CLUH: variants seen among roughly 807,000 people sequenced by gnomAD.
CLUH encodes clustered mitochondria protein homolog.
CLUH carries 77 observed loss-of-function variants against 139.3 expected under a neutral mutation model. The observed-to-expected ratio is 0.55, with a 90% CI of 0.46 to 0.67. The LOEUF is 0.67. Ranked by LOEUF, CLUH falls within the 30% of genes least tolerant of loss-of-function variation. CLUH has a pLI of 0.00. For synonymous variants in CLUH, 999 were observed against 801.6 expected (o/e 1.25, Z -4.16); for missense variants, 1,876 against 1,875.8 (o/e 1.00, Z 0.00).
Position 2,692,741 on chromosome 17 carries a change from C to G in CLUH, c.3312+39G>C, listed in dbSNP as rs781554468. On this transcript the variant is annotated intron_variant, in intron 20 of 25. Coordinates refer to ENST00000651024, the MANE Select transcript of CLUH (RefSeq NM_001366661.1). ...AGGTCAGGGTGGCCGCGGACCCAGCCCCTCGCATCCCCCGGCGCGGGCGGC... is the reference window on the plus strand; with the variant it reads ...AGGTCAGGGTGGCCGCGGACCCAGCGCCTCGCATCCCCCGGCGCGGGCGGC... 1.9e-6 allele frequency: 3 copies of G among 1,600,380 alleles called. No homozygotes were observed. In the Admixed American group the frequency reaches 5.0e-5, roughly 27 times the overall value.
Position 2,691,977 on chromosome 17 carries a change from CG to C in CLUH, c.3654+26del, listed in dbSNP as rs770135835. On this transcript the variant is annotated intron_variant, in intron 23 of 25. Coordinates refer to ENST00000651024, the MANE Select transcript of CLUH (RefSeq NM_001366661.1). ...CCCCGCCACGCCCCCGCCCCGCCCC[CG>C]CCCCCGCCACGCCCCCGCCGCGCAC... 1.5e-5 allele frequency: 7 copies of C among 458,892 alleles called. 1 individual carries two copies. Among genetic ancestry groups the C allele is most frequent in the South Asian group, 1.6e-4 (2 of 12,632 alleles). 28.4% of individuals were successfully genotyped at this position (458,892 alleles called of 1,614,324 possible).
At position 2,703,590 on chromosome 17, in the gene CLUH, C is replaced by A; in HGVS notation, c.304-101G>T. 1.7e-6 allele frequency: 2 copies of A among 1,188,218 alleles called. No homozygotes were observed. Among genetic ancestry groups the A allele is most frequent in the South Asian group, 2.8e-5 (2 of 72,000 alleles). 73.6% of individuals were successfully genotyped at this position (1,188,218 alleles called of 1,614,324 possible). ...GAGGCCACGTAGCGGACAGCAAGGACAATATCCCCTTGTCCCCAGCCCAAA... is the reference window on the plus strand; with the variant it reads ...GAGGCCACGTAGCGGACAGCAAGGAAAATATCCCCTTGTCCCCAGCCCAAA... On this transcript the variant is annotated intron_variant, in intron 2 of 25. Transcript: ENST00000651024. The surrounding 1 kb of genome is among the most constrained non-coding windows in gnomAD (Gnocchi z 4.2).
At chr17:2,702,653 C>T (rs2070225852) in intron 3 of CLUH, among the ~76,000 whole-genome samples, 1 of 152,188 alleles carries the variant, frequency 6.6e-6, no homozygotes, top group Non-Finnish European at 1.5e-5. Flanking sequence ...CCAGAAAACT[C>T]GAGGCCACAG....
intron 23 of CLUH, 35 bp downstream of exon 23, chr17:2,691,969 C>T (rs760534157): frequency 1.3e-5 from 9 of 710,988 alleles, no homozygotes; most frequent in South Asian, 2.8e-5. Context: ...ACGCCCCCGC[C>T]CCGCCCCCGC....
rs2070347825 is a variant in CLUH at position 2,706,269 on chromosome 17, C to T, written c.101-1705G>A. 6.6e-6 allele frequency among the ~76,000 whole-genome samples: 1 copy of T among 152,076 alleles called. No individual in the cohort carries two copies. The highest frequency in any genetic ancestry group is 2.4e-5 in the African/African-American group (1 of 41,384). On this transcript the variant is annotated intron_variant, in intron 1 of 25. Coordinates refer to ENST00000651024, the MANE Select transcript of CLUH (RefSeq NM_001366661.1). The surrounding 1 kb of genome is among the most constrained non-coding windows in gnomAD (Gnocchi z 4.6). ...CCGGGGGGCCTGGAGAGAGTCGCTC[C>T]CTTTCCCTGGATCCCCACGAGCAAA...
At chr17:2,691,145 AG>A (rs2151687290) in intron 25 of CLUH, among the ~76,000 whole-genome samples, 1 of 151,936 alleles carries the variant, frequency 6.6e-6, no homozygotes, top group African/African-American at 2.4e-5. Context: ...CCCCCGCCGC[AG>A]GATGGGAAGC....
At position 2,704,273 on chromosome 17, in the gene CLUH, C is replaced by T. The variant is rs534723775; in HGVS notation, c.303+89G>A. On this transcript the variant is annotated intron_variant, in intron 2 of 25. Coordinates refer to ENST00000651024, the MANE Select transcript of CLUH (RefSeq NM_001366661.1). The surrounding 1 kb of genome is among the most constrained non-coding windows in gnomAD (Gnocchi z 5.7). ...TCAGTTTCCTGCCACAAAATGGGGC[C>T]GGTAGGAGCACGAGCAAGGCTGAGC... is the stretch of plus-strand genomic sequence containing the variant. 47 of 1,370,158 alleles carry T rather than the reference C, an allele frequency of 3.4e-5. No homozygotes were observed. The highest frequency in any genetic ancestry group is 1.7e-4 in the South Asian group (13 of 74,786). 84.9% of individuals were successfully genotyped at this position (1,370,158 alleles called of 1,614,324 possible).
Position 2,696,194 on chromosome 17 carries a change from C to A in CLUH, c.2356G>T (p.Ala786Ser), listed in dbSNP as rs866478571. The A allele has an allele frequency of 3.8e-6, 6 of 1,571,624 alleles. No homozygotes were observed. In the Admixed American group the frequency reaches 5.6e-5, roughly 15 times the overall value. ...RDQKQLLKDAAAFLLSCQIPG... is the reference protein window; with the variant it reads ...RDQKQLLKDASAFLLSCQIPG... ...ATCTGGCAGGAGAGCAGGAAGGCAG[C>A]CGCGTCCTTCAGCAGCTGCTTCTGG... is the stretch of plus-strand genomic sequence containing the variant. Residue 786 changes from alanine (A) to serine (S), a missense_variant, in exon 13 of 26, where the codon GCT becomes TCT. Ala to Ser is a moderately conservative substitution (Grantham distance 99). Coordinates refer to ENST00000651024, the MANE Select transcript of CLUH (RefSeq NM_001366661.1).
At chr17:2,708,788 C>G (rs1354305085) in intron 1 of CLUH, among the ~76,000 whole-genome samples, 2 of 151,846 alleles carry the variant, frequency 1.3e-5, no homozygotes, top group Admixed American at 6.6e-5. Context: ...CCCACCCACC[C>G]CCTCCCGAGG....
chr17:2,701,032 G>A, intron 7 of CLUH, 108 bp downstream of exon 7: 1 of 1,570,574 alleles, frequency 6.4e-7, no homozygotes, highest in Non-Finnish European at 8.6e-7. Context: ...TCCAACACTG[G>A]GGGCCCAGGG....
rs200722517 is a variant in CLUH at position 2,696,224 on chromosome 17, G to C, written c.2326C>G (p.Arg776Gly). Reference sequence around the variant, plus strand: ...TCCTTCAGCAGCTGCTTCTGGTCCCGAACTTCATCCTGGCAGGACTCAGGG... The same window carrying C: ...TCCTTCAGCAGCTGCTTCTGGTCCCCAACTTCATCCTGGCAGGACTCAGGG... ...RFPESCQDEV[R>G]DQKQLLKDAA... Residue 776 changes from arginine to glycine, a missense_variant, in exon 13 of 26, where the codon CGG (arginine) becomes GGG (glycine). Physicochemically the swap from Arg to Gly is moderately radical, Grantham distance 125. Transcript: ENST00000651024. 6.3e-7 allele frequency: 1 copy of C among 1,576,634 alleles called. No individual in the cohort carries two copies. Among genetic ancestry groups the C allele is most frequent in the Non-Finnish European group, 8.6e-7 (1 of 1,161,822 alleles).
In CLUH at chr17:2,690,427, T is replaced by G; in HGVS notation, c.*167A>C. The G allele has an allele frequency of 1.9e-6, 1 of 513,310 alleles. No individual in the cohort carries two copies. The highest frequency in any genetic ancestry group is 4.3e-5 in the South Asian group (1 of 23,230). The allele number at this position is 513,310 out of a possible 1,614,324, so 31.8% of individuals were successfully genotyped here. A position where few individuals can be genotyped will look rare whatever the true frequency, so the allele number is the denominator to read the frequency against. ...ATTGAACCAGCGCAAAAACACCTTC[T>G]GCGGGGCAGGCAGGCCAGGCTCCCA... On this transcript the variant is annotated 3_prime_UTR_variant, in exon 26 of 26. Coordinates refer to ENST00000651024, the MANE Select transcript of CLUH (RefSeq NM_001366661.1).
rs1388886947 is a variant in CLUH at position 2,696,238 on chromosome 17, C to T, written c.2312G>A (p.Cys771Tyr). 2 of 1,574,608 alleles carry T rather than the reference C, an allele frequency of 1.3e-6. No homozygotes were observed. Among genetic ancestry groups the T allele is most frequent in the Non-Finnish European group, 1.7e-6 (2 of 1,160,744 alleles). ...CTTCTGGTCCCGAACTTCATCCTGG[C>T]AGGACTCAGGGAAACGAACCCCTGG... ...FSPGVRFPES[C>Y]QDEVRDQKQL... Residue 771 changes from cysteine (C) to tyrosine (Y), a missense_variant, in exon 13 of 26, where the codon TGC becomes TAC. By Grantham distance (194) the Cys-to-Tyr change is radical (BLOSUM62 -2). Around this residue, in one of 3 missense-constraint regions of CLUH, gnomAD observed 1,454 missense variants for 1,384.4 expected, o/e 1.05. Transcript: ENST00000651024.
chr17:2,701,723 T>C lies in CLUH; in HGVS notation c.634A>G (p.Lys212Glu). Residue 212 changes from lysine to glutamate, a missense_variant, in exon 5 of 26, where the codon AAG (lysine) becomes GAG (glutamate). By Grantham distance (56) the Lys-to-Glu change is moderately conservative (BLOSUM62 1). This residue lies in a region of CLUH where 270 missense variants were observed against 354.7 expected (regional missense o/e 0.76). Coordinates refer to ENST00000651024, the MANE Select transcript of CLUH (RefSeq NM_001366661.1). ...ATGGGGTCCATCTCCAAGCCCTTCT[T>C]CCGCTTCCCGCTGTCTGAGGGACCC... ...DGDLGDSGKR[K>E]KGLEMDPIDC... is the part of the protein sequence containing the mutation. The C allele has an allele frequency of 1.3e-6, 2 of 1,569,740 alleles. No individual in the cohort carries two copies. Among genetic ancestry groups the C allele is most frequent in the East Asian group, 2.3e-5 (1 of 44,326 alleles).
At chr17:2,693,250 G>T (rs2069786288) in intron 19 of CLUH, among the ~76,000 whole-genome samples, 2 of 147,958 alleles carry the variant, frequency 1.4e-5, no homozygotes, top group Non-Finnish European at 1.5e-5. Context: ...ACAAAAATTA[G>T]CTGGGTGTGC....
intron 25 of CLUH, 133 bp downstream of exon 25, chr17:2,691,476 C>T (rs1254095674): frequency 3.5e-6 from 3 of 854,852 alleles, no homozygotes; most frequent in South Asian, 1.5e-5. Flanking sequence ...GCAGGAGAAT[C>T]GCTGAACCCG....
At chr17:2,698,722 G>A in intron 9 of CLUH, 132 bp from the exon 10 acceptor site, 2 of 807,372 alleles carry the variant, frequency 2.5e-6, no homozygotes, top group South Asian at 1.9e-5. Flanking sequence ...CGGAGCCTCA[G>A]TTTCCTCATA....
Position 2,702,115 on chromosome 17 carries a change from G to A in CLUH, c.476-58C>T, listed in dbSNP as rs1201405662. The A allele has an allele frequency of 1.7e-5, 27 of 1,577,802 alleles. No individual in the cohort carries two copies. The Admixed American group carries it at 3.3e-4, about 19-fold the overall frequency. On this transcript the variant is annotated intron_variant, in intron 3 of 25. Coordinates refer to ENST00000651024, the MANE Select transcript of CLUH (RefSeq NM_001366661.1). The stretch of plus-strand genomic sequence containing the variant: ...CAGGGCCCTGCACCCTGAACAACCT[G>A]CCCAGCACAAAACAGGTTTTGGAGG...
intron 25 of CLUH, among the ~76,000 whole-genome samples, chr17:2,691,332 G>A (rs571517308): frequency 1.3e-5 from 2 of 152,198 alleles, no homozygotes; most frequent in South Asian, 4.1e-4. Context: ...GAGAGGCCGA[G>A]GCGGGCGGAT....
Sources: allele counts gnomAD v4.1 joint callset (sites outside exome capture counted in the v4.1 genomes callset), GRCh38; gene constraint gnomAD v4.1.1; regional missense constraint gnomAD v4.1.1; non-coding constraint Gnocchi (gnomAD v3.1); transcripts MANE v1.5; gene names NCBI Gene and HGNC (gene_info 2026-07-23, HGNC 2026-07-21).